Variants in PDE1A observed in about 807,000 individuals in gnomAD.
PDE1A encodes the protein dual specificity calcium/calmodulin-dependent 3',5'-cyclic nucleotide phosphodiesterase 1A.
In PDE1A, 35 loss-of-function variants were observed where a neutral mutation model predicts 61.7. The ratio of observed to expected loss-of-function variants is 0.57; its 90% CI spans 0.43 to 0.75. PDE1A has a LOEUF of 0.75. Ranked by LOEUF, PDE1A falls within the 30% of genes least tolerant of loss-of-function variation. The probability of loss-of-function intolerance (pLI) is 0.00; values close to 1 mark genes in which losing one functional copy is unlikely to be tolerated. For synonymous variants in PDE1A, 232 were observed against 213.2 expected (o/e 1.09, Z -0.77); for missense variants, 597 against 630.6 (o/e 0.95, Z 0.57).
At chr2:182,189,134 GC>G in intron 10 of PDE1A, 74 bp from the exon 11 acceptor site, 2 of 806,504 alleles carry the variant, frequency 2.5e-6, no homozygotes, top group Non-Finnish European at 3.9e-6. Context: ...AAGATATAAA[GC>G]CTAGAAAAGC....
intron 2 of PDE1A, among the ~76,000 whole-genome samples, chr2:182,462,762 G>T (rs1167356485): frequency 6.6e-6 from 1 of 152,000 alleles, no homozygotes; most frequent in African/African-American, 2.4e-5. Flanking sequence ...TTTCCCTACT[G>T]ATTTTTTAAA....
intron 1 of PDE1A, among the ~76,000 whole-genome samples, chr2:182,303,628 A>G (rs1695386967): frequency 1.3e-5 from 2 of 152,164 alleles, no homozygotes; most frequent in Admixed American, 6.5e-5. Flanking sequence ...TTAGCCCCTA[A>G]TAGTAGAGTC....
chr2:182,704,729 C>T, the PDE1A span, among the ~76,000 whole-genome samples: 1 of 152,158 alleles, frequency 6.6e-6, no homozygotes, highest in East Asian at 1.9e-4. Context: ...TTATAAAGGT[C>T]AACTAGATTT....
At chr2:182,494,729 C>T (rs1409060125) in intron 2 of PDE1A, among the ~76,000 whole-genome samples, 1 of 151,976 alleles carries the variant, frequency 6.6e-6, no homozygotes, top group Non-Finnish European at 1.5e-5. Context: ...CCTTACCCTC[C>T]CTCCCAAGCC....
chr2:182,602,250 G>C, the PDE1A span, among the ~76,000 whole-genome samples: 1 of 152,202 alleles, frequency 6.6e-6, no homozygotes, highest in African/African-American at 2.4e-5. Context: ...AGCAACACCT[G>C]GGGAGCTTCT....
the PDE1A span, among the ~76,000 whole-genome samples, chr2:182,688,592 C>A: frequency 6.6e-6 from 1 of 152,252 alleles, no homozygotes; most frequent in South Asian, 2.1e-4. Flanking sequence ...TTGTAAAGAC[C>A]ATCAAGGCTA....
chr2:182,591,420 C>T, the PDE1A span, among the ~76,000 whole-genome samples: 3 of 152,134 alleles, frequency 2.0e-5, no homozygotes, highest in East Asian at 5.8e-4. Flanking sequence ...ATTCTGGCAG[C>T]AAGAGTCAGC....
At chr2:182,658,793 C>T in the PDE1A span, among the ~76,000 whole-genome samples, 1 of 152,168 alleles carries the variant, frequency 6.6e-6, no homozygotes, top group Non-Finnish European at 1.5e-5. Flanking sequence ...GGGCAAAATT[C>T]TTTTGGATAT....
At chr2:182,471,339 T>A (rs1243899391) in intron 2 of PDE1A, among the ~76,000 whole-genome samples, 1 of 151,746 alleles carries the variant, frequency 6.6e-6, no homozygotes, top group East Asian at 1.9e-4. Context: ...CCTCACCTAG[T>A]CCCACAATCA....
chr2:182,592,898 G>T, the PDE1A span, among the ~76,000 whole-genome samples: 1 of 151,888 alleles, frequency 6.6e-6, no homozygotes, highest in Admixed American at 6.6e-5. Flanking sequence ...AATCCACCCA[G>T]TTAGGAACCG....
intron 2 of PDE1A, among the ~76,000 whole-genome samples, chr2:182,452,471 T>G (rs533248823): frequency 6.6e-6 from 1 of 152,294 alleles, no homozygotes; most frequent in South Asian, 2.1e-4. Flanking sequence ...CCTGTCTCAT[T>G]TGCATATGTC....
chr2:182,692,296 T>A, the PDE1A span, among the ~76,000 whole-genome samples: 1 of 152,030 alleles, frequency 6.6e-6, no homozygotes, highest in Admixed American at 6.6e-5. Context: ...ATAGACTAGA[T>A]TAAGAAAATG....
At chr2:182,364,466 T>TTAAAAA (rs1699699627) in intron 1 of PDE1A, among the ~76,000 whole-genome samples, 1 of 35,840 alleles carries the variant, frequency 2.8e-5, no homozygotes, top group Non-Finnish European at 5.1e-5. Context: ...AACACTTTGG[T>TTAAAAA]AAAAAAAAAA....
At chr2:182,599,895 G>GACTCT in the PDE1A span, among the ~76,000 whole-genome samples, 2 of 152,208 alleles carry the variant, frequency 1.3e-5, no homozygotes, top group African/African-American at 4.8e-5. Context: ...CAGATCTCTA[G>GACTCT]ACTCTACTCC....
rs140247989 is a variant in PDE1A at position 182,513,338 on chromosome 2, C to A, written c.101+8938G>T. 2.3e-3 allele frequency among the ~76,000 whole-genome samples: 352 copies of A among 152,246 alleles called. 3 individuals are homozygous for A. Among genetic ancestry groups the A allele is most frequent in the African/African-American group, 7.9e-3 (330 of 41,546 alleles). On this transcript the variant is annotated intron_variant, in intron 2 of 14. Transcript: ENST00000410103. ...AACATTCCAACCAAGAATTTCATATCCAGCCAAACTAAGCTTCATAAAACA... is the reference window on the plus strand; with the variant it reads ...AACATTCCAACCAAGAATTTCATATACAGCCAAACTAAGCTTCATAAAACA...
intron 1 of PDE1A, among the ~76,000 whole-genome samples, chr2:182,369,225 C>T (rs548524065): frequency 6.6e-6 from 1 of 152,252 alleles, no homozygotes; most frequent in South Asian, 2.1e-4. Flanking sequence ...AACAAGCATG[C>T]CTAACTCAGT....
intron 1 of PDE1A, among the ~76,000 whole-genome samples, chr2:182,378,516 A>G (rs1196179021): frequency 6.6e-6 from 1 of 152,208 alleles, no homozygotes; most frequent in Admixed American, 6.5e-5. Flanking sequence ...AAAAATTGCC[A>G]CCAAGTGATT....
chr2:182,696,436 A>G, the PDE1A span, among the ~76,000 whole-genome samples: 1 of 152,186 alleles, frequency 6.6e-6, no homozygotes, highest in Non-Finnish European at 1.5e-5. Context: ...AGTAGAAAGG[A>G]CAGTGGTTCC....
chr2:182,372,898 G>C (rs936608237), intron 1 of PDE1A, among the ~76,000 whole-genome samples: 1 of 152,172 alleles, frequency 6.6e-6, no homozygotes, highest in African/African-American at 2.4e-5. Context: ...GAACAAGGCA[G>C]CACAGAAAAC....
Sources: allele counts gnomAD v4.1 joint callset (sites outside exome capture counted in the v4.1 genomes callset), GRCh38; gene constraint gnomAD v4.1.1; transcripts MANE v1.5; gene names NCBI Gene and HGNC (gene_info 2026-07-23, HGNC 2026-07-21).